The following EPHA6 variants were observed in gnomAD, a reference collection of about 807,000 sequenced individuals.
The protein encoded by EPHA6 is ephrin type-A receptor 6.
In EPHA6, 50 loss-of-function variants were observed where a neutral mutation model predicts 112.0. The ratio of observed to expected loss-of-function variants is 0.45; its 90% CI spans 0.36 to 0.56. The LOEUF is 0.56. EPHA6 is among the 20% of genes least tolerant of loss of function. EPHA6 has a pLI of 0.00. For missense variants in EPHA6, 1,280 were observed against 1,417.4 expected (o/e 0.90, Z 1.56); for synonymous variants, 529 against 490.7 (o/e 1.08, Z -1.03).
At chr3:97,711,855 A>T (rs747713159) in intron 14 of EPHA6, among the ~76,000 whole-genome samples, 17 of 152,208 alleles carry the variant, frequency 1.1e-4, no homozygotes, top group Non-Finnish European at 2.4e-4. Flanking sequence ...AGTCAAGTTG[A>T]CACATAAAAT....
intron 14 of EPHA6, among the ~76,000 whole-genome samples, chr3:97,655,946 A>T (rs1210353294): frequency 6.6e-6 from 1 of 151,958 alleles, no homozygotes; most frequent in Non-Finnish European, 1.5e-5. Flanking sequence ...TTGGCGATAG[A>T]TGTTACAAAT....
At chr3:97,306,447 G>A (rs2081324225) in intron 5 of EPHA6, among the ~76,000 whole-genome samples, 2 of 151,704 alleles carry the variant, frequency 1.3e-5, no homozygotes, top group African/African-American at 4.8e-5. Context: ...GGGAGAAATG[G>A]AAGTGTGAGG....
intron 3 of EPHA6, among the ~76,000 whole-genome samples, chr3:97,056,517 A>G (rs1576404887): frequency 6.6e-6 from 1 of 152,238 alleles, no homozygotes; most frequent in East Asian, 1.9e-4. Flanking sequence ...GTTTGCACTC[A>G]CAAGTCACAT....
chr3:97,759,852 A>G lies in EPHA6; in HGVS notation c.*11151A>G, dbSNP rs572541562. On this transcript the variant is annotated 3_prime_UTR_variant, in exon 18 of 18. Coordinates refer to ENST00000389672, the MANE Select transcript of EPHA6 (RefSeq NM_001080448.3). Reference sequence around the variant, plus strand: ...GAAATATTTTAAAGGCATCTTTACTAAATATTTTTGAGACATCTTATTGGA... The same window carrying G: ...GAAATATTTTAAAGGCATCTTTACTGAATATTTTTGAGACATCTTATTGGA... The G allele has an allele frequency of 1.4e-5, 3 of 212,748 alleles. No individual in the cohort carries two copies. The East Asian group carries it at 2.1e-4, about 15-fold the overall frequency. 13.2% of individuals were successfully genotyped at this position (212,748 alleles called of 1,614,324 possible). A position where few individuals can be genotyped will look rare whatever the true frequency, so the allele number is the denominator to read the frequency against.
intron 3 of EPHA6, among the ~76,000 whole-genome samples, chr3:97,085,927 TCATA>T (rs1007078644): frequency 4.8e-5 from 5 of 103,962 alleles, no homozygotes; most frequent in African/African-American, 4.6e-4. Flanking sequence ...ATATATGATG[TCATA>T]TATATATATA....
At chr3:97,064,194 A>G (rs534737796) in intron 3 of EPHA6, among the ~76,000 whole-genome samples, 5 of 152,210 alleles carry the variant, frequency 3.3e-5, no homozygotes, top group Non-Finnish European at 7.4e-5. Context: ...GAGTTAGCTC[A>G]GTTTTTCTTT....
At chr3:97,514,952 A>G (rs890849198) in intron 10 of EPHA6, among the ~76,000 whole-genome samples, 2 of 152,292 alleles carry the variant, frequency 1.3e-5, no homozygotes, top group East Asian at 1.9e-4. Context: ...AGTCTGTTGT[A>G]TTTTGTTATG....
intron 2 of EPHA6, among the ~76,000 whole-genome samples, chr3:96,910,621 G>A (rs1043204146): frequency 1.3e-5 from 2 of 151,972 alleles, no homozygotes; most frequent in East Asian, 1.9e-4. Flanking sequence ...CTTGAACTTG[G>A]CCTTTAAACT....
chr3:97,483,147 G>T (rs2091603806), intron 9 of EPHA6, among the ~76,000 whole-genome samples: 1 of 152,156 alleles, frequency 6.6e-6, no homozygotes, highest in African/African-American at 2.4e-5. Context: ...ATGGGCAGAG[G>T]CAGTCTATGA....
intron 5 of EPHA6, among the ~76,000 whole-genome samples, chr3:97,351,329 G>A (rs1002351001): frequency 2.0e-5 from 3 of 152,174 alleles, no homozygotes; most frequent in Non-Finnish European, 2.9e-5. Flanking sequence ...TTATAAAACA[G>A]TGACTAAACA....
At chr3:97,031,254 T>A (rs1256030875) in intron 3 of EPHA6, among the ~76,000 whole-genome samples, 4 of 152,086 alleles carry the variant, frequency 2.6e-5, no homozygotes, top group Non-Finnish European at 2.9e-5. Flanking sequence ...GGTAGAAAGC[T>A]GAAACTGGAT....
chr3:96,907,092 T>C (rs2873617), intron 2 of EPHA6, among the ~76,000 whole-genome samples: 33,154 of 151,664 alleles, frequency 0.22, 6,362 homozygotes, highest in African/African-American at 0.49. Flanking sequence ...TATGGAACGT[T>C]ATAATGAAAG....
rs143132188 is a variant in EPHA6 at position 96,919,172 on chromosome 3, C to T, written c.450+52283C>T. On this transcript the variant is annotated intron_variant, in intron 2 of 17. Transcript: ENST00000389672. ...TAAGTGTGTAATGGAAAAAAGCCTA[C>T]TCTTTGCTATGTTGAATGATATGTT... 2.0e-3 allele frequency among the ~76,000 whole-genome samples: 305 copies of T among 151,938 alleles called. 2 individuals carry two copies. Among genetic ancestry groups the T allele is most frequent in the African/African-American group, 7.0e-3 (290 of 41,526 alleles).
intron 1 of EPHA6, among the ~76,000 whole-genome samples, chr3:96,858,665 A>G (rs1343075310): frequency 6.6e-6 from 1 of 152,144 alleles, no homozygotes; most frequent in East Asian, 1.9e-4. Context: ...TATTTCAGTT[A>G]AATTGTTTTC....
At chr3:97,689,202 A>T (rs950932121) in intron 14 of EPHA6, among the ~76,000 whole-genome samples, 4 of 152,256 alleles carry the variant, frequency 2.6e-5, no homozygotes, top group African/African-American at 9.6e-5. Context: ...TTCACAGAAT[A>T]ATAAGTAAAC....
intron 3 of EPHA6, among the ~76,000 whole-genome samples, chr3:97,018,247 C>A (rs1016008890): frequency 2.0e-5 from 3 of 151,916 alleles, no homozygotes; most frequent in Non-Finnish European, 2.9e-5. Flanking sequence ...ATTTTTACCG[C>A]TTTATGTGTA....
At chr3:97,447,006 G>A (rs973151052) in intron 6 of EPHA6, among the ~76,000 whole-genome samples, 10 of 151,988 alleles carry the variant, frequency 6.6e-5, no homozygotes, top group Admixed American at 5.9e-4. Context: ...AAATGTTGCT[G>A]TTCTTAATTC....
chr3:97,165,135 T>C (rs2076509660), intron 3 of EPHA6, among the ~76,000 whole-genome samples: 1 of 152,084 alleles, frequency 6.6e-6, no homozygotes, highest in African/African-American at 2.4e-5. Flanking sequence ...TTAAAATGTG[T>C]TTCTGTTTTT....
intron 5 of EPHA6, among the ~76,000 whole-genome samples, chr3:97,248,856 A>G (rs1445137830): frequency 6.6e-6 from 1 of 152,166 alleles, no homozygotes; most frequent in Non-Finnish European, 1.5e-5. Context: ...TTAGAAATAC[A>G]GTCTATTTCA....
Sources: allele counts gnomAD v4.1 joint callset (sites outside exome capture counted in the v4.1 genomes callset), GRCh38; gene constraint gnomAD v4.1.1; transcripts MANE v1.5; gene names NCBI Gene and HGNC (gene_info 2026-07-23, HGNC 2026-07-21).